PTCD3: variants seen among roughly 807,000 people sequenced by gnomAD.
The protein encoded by PTCD3 is small ribosomal subunit protein mS39.
PTCD3 carries 89 observed loss-of-function variants against 101.9 expected under a neutral mutation model. That is an observed-to-expected ratio of 0.87 (90% CI 0.74 to 1.04). The LOEUF (loss-of-function observed/expected upper bound fraction) is 1.04. Among genes scored for constraint, PTCD3 ranks in the 50% least tolerant of loss-of-function variants. The probability of loss-of-function intolerance (pLI) is 0.00; values close to 1 mark genes in which losing one functional copy is unlikely to be tolerated. For missense variants in PTCD3, 870 were observed against 828.2 expected, an observed-to-expected ratio of 1.05 and a Z score of -0.62; for synonymous variants, 296 against 278.5, an observed-to-expected ratio of 1.06 and a Z score of -0.63.
rs370049483 is a variant in PTCD3, at chr2:86,137,541, C to T, written c.2052C>T (p.Asp684=). 2 of 1,611,752 alleles carry T rather than the reference C, an allele frequency of 1.2e-6. No individual in the cohort carries two copies. The highest frequency in any genetic ancestry group is 1.7e-6 in the Non-Finnish European group (2 of 1,179,594). Reference sequence around the variant, plus strand: ...ACAGCAGCAGTGACAGCGACAGTGACACCAGTGAAGGCAAATGAAAGTGGA... The same window carrying T: ...ACAGCAGCAGTGACAGCGACAGTGATACCAGTGAAGGCAAATGAAAGTGGA... ...DTDSSSDSDS[D]TSEGK is the part of the protein sequence containing the mutation. The change falls in exon 24 of 24, where the codon GAC becomes GAT. Residue 684 remains aspartate, a synonymous_variant. Transcript: ENST00000254630.
intron 23 of PTCD3, 138 bp from the exon 24 acceptor site, chr2:86,137,331 C>G (rs963470243): frequency 1.5e-6 from 2 of 1,359,096 alleles, no homozygotes; most frequent in African/African-American, 1.5e-5. Context: ...CTTTTTGTTT[C>G]TAATATAGTT....
intron 6 of PTCD3, 148 bp from the exon 7 acceptor site, chr2:86,118,773 A>G: frequency 1.2e-6 from 1 of 832,128 alleles, no homozygotes; most frequent in South Asian, 1.9e-5. Flanking sequence ...GTGATGTTAA[A>G]ATGATCAGTA....
chr2:86,134,982 A>G lies in PTCD3; in HGVS notation c.1773A>G (p.Glu591=), dbSNP rs749815100. The G allele has an allele frequency of 1.1e-5, 18 of 1,613,962 alleles. No individual in the cohort carries two copies. In the African/African-American group the frequency reaches 1.9e-4, roughly 17 times the overall value. Reference sequence around the variant, plus strand: ...TTTTAAGGGCTGGGAGAACTCAGGAAGCCTGGTGAGTACAGTACCACAAGT... The same window carrying G: ...TTTTAAGGGCTGGGAGAACTCAGGAGGCCTGGTGAGTACAGTACCACAAGT... ...ILFLRAGRTQ[E]AWKMLGLFRK... Residue 591 remains glutamate, a synonymous_variant, in exon 21 of 24, where the codon GAA becomes GAG. Coordinates refer to ENST00000254630, the MANE Select transcript of PTCD3 (RefSeq NM_017952.6).
At chr2:86,115,888 G>A (rs930433010) in intron 4 of PTCD3, among the ~76,000 whole-genome samples, 6 of 152,188 alleles carry the variant, frequency 3.9e-5, no homozygotes, top group South Asian at 2.1e-4. Flanking sequence ...GAAGTTGAGC[G>A]TGGGTGGATA....
At position 86,133,253 on chromosome 2, in the gene PTCD3, T is replaced by G; in HGVS notation, c.1449T>G (p.Pro483=). The change falls in exon 18 of 24, where the codon CCT becomes CCG. Residue 483 remains proline, a synonymous_variant. Coordinates refer to ENST00000254630, the MANE Select transcript of PTCD3 (RefSeq NM_017952.6). ...VTLKWYEDLI[P]SAYFPHSQTM... ...TGAAGTGGTATGAGGACCTGATACCTTCAGTAAGATGGTTCATTACTTGTT... is the reference window on the plus strand; with the variant it reads ...TGAAGTGGTATGAGGACCTGATACCGTCAGTAAGATGGTTCATTACTTGTT... 6.2e-7 allele frequency: 1 copy of G among 1,614,088 alleles called. No individual in the cohort carries two copies. Among genetic ancestry groups the G allele is most frequent in the Admixed American group, 1.7e-5 (1 of 60,010 alleles).
chr2:86,137,410 C>T lies in PTCD3; in HGVS notation c.1980-59C>T, dbSNP rs373955328. 1.6e-5 allele frequency: 26 copies of T among 1,604,018 alleles called. No individual in the cohort carries two copies. The East Asian group carries it at 2.9e-4, about 18-fold the overall frequency. On this transcript the variant is annotated intron_variant, in intron 23 of 23. Coordinates refer to ENST00000254630, the MANE Select transcript of PTCD3 (RefSeq NM_017952.6). ...GGCTATAGGTGAGTGTCAGAGACAC[C>T]GAGAACCCCAGCACCCAGTTGAATT...
intron 12 of PTCD3, 57 bp from the exon 13 acceptor site, chr2:86,127,102 TAG>T (rs1674409641): frequency 1.4e-6 from 2 of 1,445,092 alleles, no homozygotes; most frequent in Non-Finnish European, 1.9e-6. Context: ...GTATGAAACA[TAG>T]ATTATTGGAC....
Position 86,121,372 on chromosome 2 carries a change from A to G in PTCD3, c.539-107A>G. On this transcript the variant is annotated intron_variant, in intron 7 of 23. Coordinates refer to ENST00000254630, the MANE Select transcript of PTCD3 (RefSeq NM_017952.6). ...AAGTAGTGGACAACATTAAGTGTGT[A>G]GCCCTGAAGACCACCGCTAATATAA... The G allele has an allele frequency of 4.7e-6, 3 of 639,504 alleles. No individual in the cohort carries two copies. The South Asian group carries it at 6.4e-5, about 14-fold the overall frequency. The allele number at this position is 639,504 out of a possible 1,614,324, so 39.6% of individuals were successfully genotyped here. A position where few individuals can be genotyped will look rare whatever the true frequency, so the allele number is the denominator to read the frequency against.
chr2:86,141,203 A>G lies in PTCD3; in HGVS notation c.*3644A>G, dbSNP rs569772604. 6.6e-6 allele frequency: 1 copy of G among 152,266 alleles called. No individual in the cohort carries two copies. Among genetic ancestry groups the G allele is most frequent in the African/African-American group, 2.4e-5 (1 of 41,564 alleles). 9.4% of individuals were successfully genotyped at this position (152,266 alleles called of 1,614,324 possible). A position where few individuals can be genotyped will look rare whatever the true frequency, so the allele number is the denominator to read the frequency against. On this transcript the variant is annotated 3_prime_UTR_variant, in exon 24 of 24. Coordinates refer to ENST00000254630, the MANE Select transcript of PTCD3 (RefSeq NM_017952.6). ...TAGACTAGTGAAACCTACTCCTCACATGGGTAAGAGTTGCAGTGGGCAGGT... is the reference window on the plus strand; with the variant it reads ...TAGACTAGTGAAACCTACTCCTCACGTGGGTAAGAGTTGCAGTGGGCAGGT...
At position 86,137,116 on chromosome 2, in the gene PTCD3, A is replaced by G. The variant is rs1558801416; in HGVS notation, c.1955A>G (p.Asp652Gly). Reference sequence around the variant, plus strand: ...GGCCTCACCCAGAGAGTAATGAGTGATTTTGCAATCAACCAGGAACAAAAG... The same window carrying G: ...GGCCTCACCCAGAGAGTAATGAGTGGTTTTGCAATCAACCAGGAACAAAAG... ...CEGLTQRVMS[D>G]FAINQEQKEA... Residue 652 changes from aspartate to glycine, a missense_variant, in exon 23 of 24, where the codon GAT becomes GGT. Physicochemically the swap from Asp to Gly is moderately conservative, Grantham distance 94. Transcript: ENST00000254630. The G allele has an allele frequency of 1.3e-6, 2 of 1,591,724 alleles. No homozygotes were observed. The highest frequency in any genetic ancestry group is 2.7e-5 in the African/African-American group (2 of 73,930).
At position 86,133,158 on chromosome 2, in the gene PTCD3, A is replaced by G; in HGVS notation, c.1374-20A>G. On this transcript the variant is annotated intron_variant, in intron 17 of 23. Coordinates refer to ENST00000254630, the MANE Select transcript of PTCD3 (RefSeq NM_017952.6). ...GACATAGGGACTTTAGACTAAACAT[A>G]CTTTTTGCCTTCATCACAGTTCCAA... 1 of 1,611,032 alleles carries G rather than the reference A, an allele frequency of 6.2e-7. No individual in the cohort carries two copies. Among genetic ancestry groups the G allele is most frequent in the Non-Finnish European group, 8.5e-7 (1 of 1,179,054 alleles).
At chr2:86,136,423 A>G (rs938005628) in intron 21 of PTCD3, 98 bp from the exon 22 acceptor site, 1 of 1,188,004 alleles carries the variant, frequency 8.4e-7, no homozygotes, top group Non-Finnish European at 1.2e-6. Context: ...AGTTAAGAAA[A>G]GGGCATTTAG....
intron 4 of PTCD3, among the ~76,000 whole-genome samples, chr2:86,115,727 T>A (rs967227193): frequency 6.6e-6 from 1 of 152,192 alleles, no homozygotes; most frequent in Non-Finnish European, 1.5e-5. Flanking sequence ...TCTGGGGCAT[T>A]TCTCAGTGGG....
At chr2:86,136,356 C>CA (rs1446337982) in intron 21 of PTCD3, among the ~76,000 whole-genome samples, 165 bp from the exon 22 acceptor site, 1 of 152,102 alleles carries the variant, frequency 6.6e-6, no homozygotes, top group Non-Finnish European at 1.5e-5. Context: ...CTCATGTACA[C>CA]ACAGGGCTGG....
intron 19 of PTCD3, 53 bp downstream of exon 19, chr2:86,133,489 T>C: frequency 6.8e-7 from 1 of 1,461,624 alleles, no homozygotes; most frequent in Non-Finnish European, 9.5e-7. Context: ...TATCCTCTAC[T>C]TTGATAATGA....
chr2:86,107,249 A>G (rs1368754416), intron 1 of PTCD3: 3 of 470,912 alleles, frequency 6.4e-6, no homozygotes, highest in African/African-American at 6.0e-5. Flanking sequence ...CTGAAGCAGA[A>G]TCTCTTCCTC....
At chr2:86,125,542 CT>C in intron 11 of PTCD3, 27 bp downstream of exon 11, 1 of 1,572,642 alleles carries the variant, frequency 6.4e-7, no homozygotes, top group South Asian at 1.1e-5. Flanking sequence ...CCCTCTGTCC[CT>C]TTCTCCATTT....
In PTCD3 at chr2:86,117,115, T is replaced by A. The variant is rs2104451241; in HGVS notation, c.370T>A (p.Tyr124Asn). 2.0e-6 allele frequency: 3 copies of A among 1,478,200 alleles called. No individual in the cohort carries two copies. The highest frequency in any genetic ancestry group is 2.8e-6 in the Non-Finnish European group (3 of 1,056,754). 91.6% of individuals were successfully genotyped at this position (1,478,200 alleles called of 1,614,324 possible). Residue 124 changes from tyrosine (Y) to asparagine (N), a missense_variant, in exon 6 of 24, where the codon TAC becomes AAC. Physicochemically the swap from Tyr to Asn is moderately radical, Grantham distance 143. Transcript: ENST00000254630. Reference sequence around the variant, plus strand: ...TGTGGCCAAGTTTATTATTAATTCATACCCCAAATATTTTCAGAAGGACAT... The same window carrying A: ...TGTGGCCAAGTTTATTATTAATTCAAACCCCAAATATTTTCAGAAGGACAT... ...ENVAKFIINS[Y>N]PKYFQKDIAE...
At position 86,139,128 on chromosome 2, in the gene PTCD3, A is replaced by C. The variant is rs2104465597; in HGVS notation, c.*1569A>C. On this transcript the variant is annotated 3_prime_UTR_variant, in exon 24 of 24. Coordinates refer to ENST00000254630, the MANE Select transcript of PTCD3 (RefSeq NM_017952.6). Reference sequence around the variant, plus strand: ...ATTAACTGCCTTGAACATAGAGAAAAATTAAGGCCTCACAGGATGAGTCTC... The same window carrying C: ...ATTAACTGCCTTGAACATAGAGAAACATTAAGGCCTCACAGGATGAGTCTC... The C allele has an allele frequency of 1.3e-5, 2 of 152,282 alleles. No homozygotes were observed. The highest frequency in any genetic ancestry group is 4.1e-4 in the South Asian group (2 of 4,820). 9.4% of individuals were successfully genotyped at this position (152,282 alleles called of 1,614,324 possible). A position where few individuals can be genotyped will look rare whatever the true frequency, so the allele number is the denominator to read the frequency against.
Sources: allele counts gnomAD v4.1 joint callset (sites outside exome capture counted in the v4.1 genomes callset), GRCh38; gene constraint gnomAD v4.1.1; transcripts MANE v1.5; gene names NCBI Gene and HGNC (gene_info 2026-07-23, HGNC 2026-07-21).